Variants in ITM2B observed in about 807,000 individuals in gnomAD.
ITM2B encodes the protein integral membrane protein 2B, also known as ABri/ADan amyloid peptide.
ITM2B carries 11 observed loss-of-function variants against 27.8 expected under a neutral mutation model. The observed-to-expected ratio is 0.40, with a 90% CI of 0.25 to 0.66. ITM2B has a LOEUF of 0.66. Ranked by LOEUF, ITM2B falls within the 30% of genes least tolerant of loss-of-function variation. The pLI is 0.43. For synonymous variants in ITM2B, 114 were observed against 114.3 expected, an observed-to-expected ratio of 1.00 and a Z score of 0.02; for missense variants, 296 against 328.9, an observed-to-expected ratio of 0.90 and a Z score of 0.77.
intron 2 of ITM2B, among the ~76,000 whole-genome samples, chr13:48,255,955 G>A (rs1461066758): frequency 6.6e-6 from 1 of 152,008 alleles, no homozygotes; most frequent in Non-Finnish European, 1.5e-5. Flanking sequence ...AAAAGTAAAG[G>A]GAAAACCAGC....
At chr13:48,235,049 A>G (rs993484921) in intron 1 of ITM2B, among the ~76,000 whole-genome samples, 2 of 152,172 alleles carry the variant, frequency 1.3e-5, no homozygotes, top group African/African-American at 2.4e-5. Flanking sequence ...TAAAAATCCT[A>G]TTAACAAATA....
At position 48,264,049 on chromosome 13, in the gene ITM2B, A is replaced by G. The variant is rs1951837485; in HGVS notation, c.*2825A>G. 1 of 152,122 alleles carries G rather than the reference A, an allele frequency of 6.6e-6. No homozygotes were observed. Among genetic ancestry groups the G allele is most frequent in the African/African-American group, 2.4e-5 (1 of 41,426 alleles). The allele number at this position is 152,122 out of a possible 1,614,324, so 9.4% of individuals were successfully genotyped here. A position where few individuals can be genotyped will look rare whatever the true frequency, so the allele number is the denominator to read the frequency against. ...GCATTGGTTTAAAAAAAAAGTACAG[A>G]AGTCAAGATGAGACTATATAAATCT... On this transcript the variant is annotated 3_prime_UTR_variant, in exon 6 of 6. Coordinates refer to ENST00000647800, the MANE Select transcript of ITM2B (RefSeq NM_021999.5).
chr13:48,252,492 C>T (rs527572944), intron 1 of ITM2B, among the ~76,000 whole-genome samples: 1 of 152,244 alleles, frequency 6.6e-6, no homozygotes, highest in South Asian at 2.1e-4. Flanking sequence ...TTGTGCGCTC[C>T]TTATGAGAAT....
intron 1 of ITM2B, among the ~76,000 whole-genome samples, chr13:48,238,379 T>C (rs1163819296): frequency 6.6e-6 from 1 of 152,194 alleles, no homozygotes; most frequent in Admixed American, 6.5e-5. Context: ...TTTTGCAGTA[T>C]TTCTATAATT....
chr13:48,249,612 G>T (rs1343276453), intron 1 of ITM2B, among the ~76,000 whole-genome samples: 3 of 152,048 alleles, frequency 2.0e-5, no homozygotes, highest in Non-Finnish European at 4.4e-5. Context: ...TTTATTGTTT[G>T]TGTACTTGCT....
chr13:48,270,229 T>A lies in ITM2B; in HGVS notation c.*9005T>A. 6.6e-6 allele frequency: 1 copy of A among 152,340 alleles called. No homozygotes were observed. The highest frequency in any genetic ancestry group is 1.5e-5 in the Non-Finnish European group (1 of 68,056). 9.4% of individuals were successfully genotyped at this position (152,340 alleles called of 1,614,324 possible). A position where few individuals can be genotyped will look rare whatever the true frequency, so the allele number is the denominator to read the frequency against. ...CTTAGACTTTTCCATTCTGCCCTCT[T>A]AGGGGCCTTCCTGGCCATGACCACA... On this transcript the variant is annotated 3_prime_UTR_variant, in exon 6 of 6. Transcript: ENST00000647800.
rs150776298 is a variant in ITM2B at position 48,256,750 on chromosome 13, A to G, written c.453+367A>G. Among the ~76,000 whole-genome samples the G allele has an allele frequency of 4.8e-4, 73 of 152,314 alleles. No homozygotes were observed. The East Asian group carries it at 0.013, about 27-fold the overall frequency. ...TAATCTGTTTTTAAGTTCTCATTCT[A>G]TATTTTTCCCCAGCTTTTGAGCATT... is the stretch of plus-strand genomic sequence containing the variant. On this transcript the variant is annotated intron_variant, in intron 3 of 5. Transcript: ENST00000647800.
intron 1 of ITM2B, among the ~76,000 whole-genome samples, chr13:48,246,261 A>G (rs1037981625): frequency 6.6e-6 from 1 of 152,244 alleles, no homozygotes; most frequent in African/African-American, 2.4e-5. Flanking sequence ...GTACTCACAA[A>G]TATAGAGAGC....
At chr13:48,244,741 C>G (rs1951715870) in intron 1 of ITM2B, among the ~76,000 whole-genome samples, 1 of 151,984 alleles carries the variant, frequency 6.6e-6, no homozygotes, top group African/African-American at 2.4e-5. Context: ...AATCTTGACA[C>G]TGAATTTTAT....
rs74074156 is a variant in ITM2B at position 48,256,419 on chromosome 13, G to A, written c.453+36G>A. 3,435 of 1,437,168 alleles carry A rather than the reference G, an allele frequency of 2.4e-3. 61 individuals carry two copies. In the African/African-American group the frequency reaches 0.041, roughly 17 times the overall value. 89.0% of individuals were successfully genotyped at this position (1,437,168 alleles called of 1,614,324 possible). A position where few individuals can be genotyped will look rare whatever the true frequency, so the allele number is the denominator to read the frequency against. ...TGTCCAGAATTGTAGAAAGAATGCA[G>A]GTTCTGTAGTTTATGCTTTTTGTAG... On this transcript the variant is annotated intron_variant, in intron 3 of 5. Coordinates refer to ENST00000647800, the MANE Select transcript of ITM2B (RefSeq NM_021999.5).
At chr13:48,245,193 G>T (rs1172080327) in intron 1 of ITM2B, among the ~76,000 whole-genome samples, 1 of 152,126 alleles carries the variant, frequency 6.6e-6, no homozygotes, top group Non-Finnish European at 1.5e-5. Context: ...GGGCCTGGTG[G>T]CATGTGCCTG....
intron 1 of ITM2B, among the ~76,000 whole-genome samples, chr13:48,249,326 CT>C (rs1425063402): frequency 1.3e-5 from 2 of 152,068 alleles, no homozygotes; most frequent in African/African-American, 4.8e-5. Flanking sequence ...TATTTTGTTC[CT>C]TTTTATTGCT....
chr13:48,267,017 A>T lies in ITM2B; in HGVS notation c.*5793A>T, dbSNP rs553658894. The T allele has an allele frequency of 1.1e-4, 17 of 152,264 alleles. No homozygotes were observed. Among genetic ancestry groups the T allele is most frequent in the African/African-American group, 4.1e-4 (17 of 41,554 alleles). The allele number at this position is 152,264 out of a possible 1,614,324, so 9.4% of individuals were successfully genotyped here. A position where few individuals can be genotyped will look rare whatever the true frequency, so the allele number is the denominator to read the frequency against. On this transcript the variant is annotated 3_prime_UTR_variant, in exon 6 of 6. Transcript: ENST00000647800. Reference sequence around the variant, plus strand: ...TTTTAAAATGTAGGGGGGATTTTTGATTGTCACAGGACTAGAGGATGCCAT... The same window carrying T: ...TTTTAAAATGTAGGGGGGATTTTTGTTTGTCACAGGACTAGAGGATGCCAT...
intron 1 of ITM2B, among the ~76,000 whole-genome samples, chr13:48,250,329 A>G (rs564384515): frequency 2.6e-4 from 39 of 152,220 alleles, no homozygotes; most frequent in African/African-American, 8.4e-4. Context: ...AAAAAAATAG[A>G]TCTAAGTTGG....
intron 4 of ITM2B, 57 bp from the exon 5 acceptor site, chr13:48,258,740 A>G: frequency 6.6e-7 from 1 of 1,515,038 alleles, no homozygotes; most frequent in Non-Finnish European, 9.2e-7. Flanking sequence ...TTGTTTCTCT[A>G]GTCTACTCAG....
chr13:48,258,727 G>T (rs1951804427), intron 4 of ITM2B, 70 bp from the exon 5 acceptor site: 2 of 1,419,578 alleles, frequency 1.4e-6, no homozygotes, highest in Non-Finnish European at 2.0e-6. Context: ...TAAGAATTTT[G>T]TCTTGTTTCT....
Position 48,264,975 on chromosome 13 carries a change from C to A in ITM2B, c.*3751C>A, listed in dbSNP as rs140842806. On this transcript the variant is annotated 3_prime_UTR_variant, in exon 6 of 6. Transcript: ENST00000647800. ...GGGTTGTAGATTCCACACTTTTAATCTTCCAGCCACCTATTGCAGATTGGT... is the reference window on the plus strand; with the variant it reads ...GGGTTGTAGATTCCACACTTTTAATATTCCAGCCACCTATTGCAGATTGGT... 1 of 152,188 alleles carries A rather than the reference C, an allele frequency of 6.6e-6. No individual in the cohort carries two copies. The highest frequency in any genetic ancestry group is 1.5e-5 in the Non-Finnish European group (1 of 68,020). The allele number at this position is 152,188 out of a possible 1,614,324, so 9.4% of individuals were successfully genotyped here.
rs1396323967 is a variant in ITM2B at position 48,268,187 on chromosome 13, C to T, written c.*6963C>T. ...GTTTGGCTTTTAAAACTCAGTATAACGTTTTGACATTTGTCCATGTTGTTG... is the reference window on the plus strand; with the variant it reads ...GTTTGGCTTTTAAAACTCAGTATAATGTTTTGACATTTGTCCATGTTGTTG... On this transcript the variant is annotated 3_prime_UTR_variant, in exon 6 of 6. Coordinates refer to ENST00000647800, the MANE Select transcript of ITM2B (RefSeq NM_021999.5). The T allele has an allele frequency of 2.0e-5, 3 of 152,056 alleles. No individual in the cohort carries two copies. Among genetic ancestry groups the T allele is most frequent in the African/African-American group, 7.2e-5 (3 of 41,398 alleles). 9.4% of individuals were successfully genotyped at this position (152,056 alleles called of 1,614,324 possible).
chr13:48,245,500 T>G (rs988048643), intron 1 of ITM2B, among the ~76,000 whole-genome samples: 3 of 152,038 alleles, frequency 2.0e-5, no homozygotes, highest in Non-Finnish European at 2.9e-5. Flanking sequence ...AGTGATTAAG[T>G]TATGATCCAG....
Sources: allele counts gnomAD v4.1 joint callset (sites outside exome capture counted in the v4.1 genomes callset), GRCh38; gene constraint gnomAD v4.1.1; transcripts MANE v1.5; gene names NCBI Gene and HGNC (gene_info 2026-07-23, HGNC 2026-07-21).